The following SOCS6 variants were observed in gnomAD, a reference collection of about 807,000 sequenced individuals.
SOCS6 encodes the protein suppressor of cytokine signaling 6, also known as STAT induced STAT inhibitor-4.
SOCS6 carries 5 observed loss-of-function variants against 27.7 expected under a neutral mutation model. The observed-to-expected ratio is 0.18, with a 90% CI of 0.09 to 0.38. The LOEUF is 0.38. Ranked by LOEUF, SOCS6 falls within the 10% of genes least tolerant of loss-of-function variation. SOCS6 has a pLI of 1.00. For missense variants in SOCS6, 595 were observed against 688.1 expected, an observed-to-expected ratio of 0.86 and a Z score of 1.51; for synonymous variants, 271 against 260.0, an observed-to-expected ratio of 1.04 and a Z score of -0.41.
chr18:70,298,055 T>C (rs528754976), intron 1 of SOCS6, among the ~76,000 whole-genome samples: 2 of 152,350 alleles, frequency 1.3e-5, no homozygotes, highest in African/African-American at 4.8e-5. Context: ...ACAGTTGTGT[T>C]ATTTTTCAGT....
intron 1 of SOCS6, among the ~76,000 whole-genome samples, chr18:70,305,574 T>C (rs965476204): frequency 3.9e-5 from 6 of 152,224 alleles, no homozygotes; most frequent in African/African-American, 1.4e-4. Flanking sequence ...TTTAGGAATA[T>C]TGTATCAATT....
chr18:70,298,579 T>A (rs1408611273), intron 1 of SOCS6, among the ~76,000 whole-genome samples: 3 of 152,216 alleles, frequency 2.0e-5, no homozygotes, highest in Non-Finnish European at 4.4e-5. Context: ...AGGTTGCAGA[T>A]GTGGACATCA....
intron 1 of SOCS6, among the ~76,000 whole-genome samples, chr18:70,306,477 CAAAAAAA>C (rs55702216): frequency 1.1e-5 from 1 of 92,704 alleles, no homozygotes; most frequent in Admixed American, 1.3e-4. Flanking sequence ...GACTCCATCT[CAAAAAAA>C]AAAAAAAAAA....
At chr18:70,293,637 C>G (rs551524990) in intron 1 of SOCS6, among the ~76,000 whole-genome samples, 12 of 152,198 alleles carry the variant, frequency 7.9e-5, no homozygotes, top group African/African-American at 2.6e-4. Context: ...TAGAAGCCCT[C>G]CATGCTAACT....
At chr18:70,319,076 A>T (rs1219435449) in intron 1 of SOCS6, among the ~76,000 whole-genome samples, 2 of 151,632 alleles carry the variant, frequency 1.3e-5, no homozygotes, top group African/African-American at 4.8e-5. Context: ...ACCATATTTC[A>T]TGTTGTATTT....
At chr18:70,321,186 A>G (rs920116611) in intron 1 of SOCS6, among the ~76,000 whole-genome samples, 3 of 151,608 alleles carry the variant, frequency 2.0e-5, no homozygotes, top group Non-Finnish European at 4.4e-5. Flanking sequence ...AGGTGGGAGG[A>G]TCTCTTGAAC....
Position 70,326,238 on chromosome 18 carries a change from A to G in SOCS6, c.1570A>G (p.Asn524Asp), listed in dbSNP as rs758312905. ...IDLIQKLPLPNKMKDYLQEKH... is the reference protein window; with the variant it reads ...IDLIQKLPLPDKMKDYLQEKH... ...CTTAATTCAGAAACTGCCTTTGCCA[A>G]ACAAAATGAAGGATTATTTACAGGA... Residue 524 changes from asparagine (N) to aspartate (D), a missense_variant, in exon 2 of 2, where the codon AAC (asparagine) becomes GAC (aspartate). Transcript: ENST00000397942. 5.9e-5 allele frequency: 96 copies of G among 1,613,806 alleles called. No homozygotes were observed. In the South Asian group the frequency reaches 1.0e-3, roughly 17 times the overall value.
intron 1 of SOCS6, among the ~76,000 whole-genome samples, chr18:70,310,769 C>T (rs1324892520): frequency 6.6e-6 from 1 of 152,154 alleles, no homozygotes; most frequent in Non-Finnish European, 1.5e-5. Flanking sequence ...TGCTCTTAAT[C>T]ATGAGGTTCT....
At chr18:70,317,516 A>C (rs546346727) in intron 1 of SOCS6, among the ~76,000 whole-genome samples, 1 of 27,174 alleles carries the variant, frequency 3.7e-5, no homozygotes, top group Non-Finnish European at 5.9e-5. Flanking sequence ...ACATATATAC[A>C]TACATATATA....
intron 1 of SOCS6, among the ~76,000 whole-genome samples, chr18:70,299,570 G>C (rs752010732): frequency 2.0e-5 from 3 of 152,144 alleles, no homozygotes; most frequent in Non-Finnish European, 4.4e-5. Context: ...CGGGGGGTCG[G>C]TGCTGAAAGT....
At chr18:70,292,539 G>A (rs2062304568) in intron 1 of SOCS6, among the ~76,000 whole-genome samples, 1 of 152,042 alleles carries the variant, frequency 6.6e-6, no homozygotes, top group Non-Finnish European at 1.5e-5. Flanking sequence ...GGTAGAGATG[G>A]GGTTTCCTTA....
At chr18:70,310,468 G>T (rs79946973) in intron 1 of SOCS6, among the ~76,000 whole-genome samples, 6,326 of 104,938 alleles carry the variant, frequency 0.06, 299 homozygotes, top group African/African-American at 0.12. Flanking sequence ...TTTTTGTGGG[G>T]TTTTTTTTTT....
At chr18:70,309,504 T>C (rs1405812119) in intron 1 of SOCS6, among the ~76,000 whole-genome samples, 1 of 152,226 alleles carries the variant, frequency 6.6e-6, no homozygotes, top group Admixed American at 6.5e-5. Context: ...TTAATTCCTC[T>C]CTTGACGTTT....
intron 1 of SOCS6, among the ~76,000 whole-genome samples, chr18:70,296,846 C>A (rs1190934362): frequency 1.3e-5 from 2 of 150,962 alleles, no homozygotes; most frequent in Non-Finnish European, 2.9e-5. Context: ...TTTTTCAGTT[C>A]TAGAAAAACT....
At chr18:70,313,206 C>A (rs1038226382) in intron 1 of SOCS6, among the ~76,000 whole-genome samples, 19 of 152,058 alleles carry the variant, frequency 1.2e-4, no homozygotes, top group Non-Finnish European at 2.8e-4. Flanking sequence ...TTTCATCATT[C>A]TTTTTGTGTG....
Position 70,329,049 on chromosome 18 carries a change from A to G in SOCS6, c.*2773A>G, listed in dbSNP as rs1335227580. The stretch of plus-strand genomic sequence containing the variant: ...AATAGATGAATCAGAATTGTTTTCT[A>G]TTAAATATTTCATCACGAAATATGA... On this transcript the variant is annotated 3_prime_UTR_variant, in exon 2 of 2. Transcript: ENST00000397942. The G allele has an allele frequency of 1.2e-5, 2 of 167,104 alleles. No homozygotes were observed. The highest frequency in any genetic ancestry group is 1.9e-4 in the East Asian group (1 of 5,204). The allele number at this position is 167,104 out of a possible 1,614,324, so 10.4% of individuals were successfully genotyped here.
At chr18:70,315,879 G>GT (rs371068437) in intron 1 of SOCS6, among the ~76,000 whole-genome samples, 4 of 151,690 alleles carry the variant, frequency 2.6e-5, no homozygotes, top group Admixed American at 6.6e-5. Context: ...TGTTTTTGTG[G>GT]TTTTTTTTGA....
At chr18:70,314,241 G>C (rs1461188011) in intron 1 of SOCS6, 1 of 152,096 alleles carries the variant, frequency 6.6e-6, no homozygotes, top group East Asian at 1.9e-4. Flanking sequence ...GGGCGACAGA[G>C]TGAGACCCCA....
intron 1 of SOCS6, among the ~76,000 whole-genome samples, chr18:70,307,820 T>C (rs947992582): frequency 3.8e-4 from 58 of 152,158 alleles, no homozygotes; most frequent in Non-Finnish European, 7.5e-4. Flanking sequence ...GTTTTTTCCC[T>C]CTTGTTTTTC....
Sources: gnomAD v4.1 joint callset for allele counts (sites outside exome capture counted in the v4.1 genomes callset) on GRCh38, gnomAD v4.1.1 for gene constraint, MANE v1.5 for transcripts, NCBI Gene and HGNC (gene_info 2026-07-23, HGNC 2026-07-21) for gene names.